Variants in C16orf96 observed in about 807,000 individuals in gnomAD.
C16orf96 encodes the protein uncharacterized protein C16orf96.
A neutral mutation model predicts 103.6 loss-of-function variants in C16orf96; 108 were observed. The ratio of observed to expected loss-of-function variants is 1.04; its 90% confidence interval spans 0.89 to 1.22. The LOEUF (loss-of-function observed/expected upper bound fraction) is 1.22. C16orf96 is among the 50% of genes most tolerant of loss of function. C16orf96 has a pLI of 0.00. For missense variants in C16orf96, 1,586 were observed against 1,464.2 expected (o/e 1.08, Z -1.36); for synonymous variants, 566 against 593.5 (o/e 0.95, Z 0.67).
At chr16:4,576,776 C>A in intron 5 of C16orf96, 141 bp downstream of exon 5, 1 of 872,216 alleles carries the variant, frequency 1.1e-6, no homozygotes, top group Non-Finnish European at 1.7e-6. Context: ...TTGGCTTAAG[C>A]ATTTGGCTCT....
rs1253704296 is a variant in C16orf96 at position 4,592,405 on chromosome 16, C to T, written c.2774+38C>T. 4 of 1,550,222 alleles carry T rather than the reference C, an allele frequency of 2.6e-6. No homozygotes were observed. In the East Asian group the frequency reaches 7.3e-5, roughly 28 times the overall value. On this transcript the variant is annotated intron_variant, in intron 11 of 15. Transcript: ENST00000444310. ...GCCCAGGGTGCCCCGGCCCTAAGGGCTTGTGGGGCCCATGGAGGTCATCTC... is the reference window on the plus strand; with the variant it reads ...GCCCAGGGTGCCCCGGCCCTAAGGGTTTGTGGGGCCCATGGAGGTCATCTC...
At chr16:4,573,926 C>T (rs914871421) in intron 2 of C16orf96, among the ~76,000 whole-genome samples, 62 of 141,692 alleles carry the variant, frequency 4.4e-4, no homozygotes, top group Middle Eastern at 9.7e-3. Flanking sequence ...CTCTGCCTCC[C>T]GGGTTCAAGT....
chr16:4,572,475 G>C (rs2059450919), intron 2 of C16orf96, among the ~76,000 whole-genome samples: 1 of 151,412 alleles, frequency 6.6e-6, no homozygotes, highest in South Asian at 2.1e-4. Flanking sequence ...AATTTTTTTT[G>C]TATTTTTAGT....
chr16:4,594,855 C>T, intron 14 of C16orf96, 52 bp downstream of exon 14: 1 of 1,526,682 alleles, frequency 6.6e-7, no homozygotes, highest in South Asian at 1.2e-5. Flanking sequence ...CCTGGTTCTG[C>T]TGGGCAGGGT....
At chr16:4,596,705 A>AAC (rs1236592054) in intron 14 of C16orf96, among the ~76,000 whole-genome samples, 4 of 151,702 alleles carry the variant, frequency 2.6e-5, no homozygotes, top group East Asian at 1.9e-4. Context: ...CAAACAAACA[A>AAC]AAACAGAACA....
intron 14 of C16orf96, among the ~76,000 whole-genome samples, chr16:4,598,285 C>T (rs887267054): frequency 6.6e-6 from 1 of 151,724 alleles, no homozygotes; most frequent in African/African-American, 2.4e-5. Context: ...CAGGAGGTTC[C>T]AGCTGCAGTG....
chr16:4,600,447 C>T lies in C16orf96; in HGVS notation c.*130C>T, dbSNP rs1227470421. On this transcript the variant is annotated 3_prime_UTR_variant, in exon 16 of 16. Coordinates refer to ENST00000444310, the MANE Select transcript of C16orf96 (RefSeq NM_001145011.2). Reference sequence around the variant, plus strand: ...AGGCCTATGTGGCCCCCCACCCCCACCCCCACCAAGTCCCCTCCATGTCCG... The same window carrying T: ...AGGCCTATGTGGCCCCCCACCCCCATCCCCACCAAGTCCCCTCCATGTCCG... 1.6e-6 allele frequency: 1 copy of T among 615,226 alleles called. No homozygotes were observed. The highest frequency in any genetic ancestry group is 2.8e-6 in the Non-Finnish European group (1 of 352,940). The allele number at this position is 615,226 out of a possible 1,614,324, so 38.1% of individuals were successfully genotyped here. A position where few individuals can be genotyped will look rare whatever the true frequency, so the allele number is the denominator to read the frequency against.
In C16orf96 at chr16:4,587,101, G is replaced by C; in HGVS notation, c.2415G>C (p.Glu805Asp). 1 of 1,551,530 alleles carries C rather than the reference G, an allele frequency of 6.4e-7. No homozygotes were observed. The highest frequency in any genetic ancestry group is 8.7e-7 in the Non-Finnish European group (1 of 1,146,908). ...AGGTGAATAAGAGCACGATGGAGGA[G>C]GAGCTGAGAGAGGTGAGTGAGCAGA... Reference protein sequence around the residue: ...MNKVNKSTMEEELREKADRSA... With the variant: ...MNKVNKSTMEDELREKADRSA... The change falls in exon 8 of 16, where the codon GAG becomes GAC. Residue 805 changes from glutamate to aspartate, a missense_variant. By Grantham distance (45) the Glu-to-Asp change is conservative. Transcript: ENST00000444310.
In C16orf96 at chr16:4,588,374, T is replaced by G. The variant is rs114898333; in HGVS notation, c.2592+43T>G. 16 of 1,526,144 alleles carry G rather than the reference T, an allele frequency of 1.0e-5. No homozygotes were observed. In the African/African-American group the frequency reaches 1.9e-4, roughly 18 times the overall value. 94.5% of individuals were successfully genotyped at this position (1,526,144 alleles called of 1,614,324 possible). ...GATTTTCACTTTATTCCTAACAAAT[T>G]AACCCAGAACTTAGCAACTGCAAAC... On this transcript the variant is annotated intron_variant, in intron 9 of 15. Transcript: ENST00000444310.
At chr16:4,554,797 C>T (rs770925168), upstream of C16orf96, among the ~76,000 whole-genome samples, 3 of 151,770 alleles carry the variant, frequency 2.0e-5, no homozygotes, top group Non-Finnish European at 4.4e-5. Context: ...ACTACAGGCA[C>T]GCACCACCAT....
intron 14 of C16orf96, among the ~76,000 whole-genome samples, chr16:4,597,861 G>A (rs1229277857): frequency 2.0e-5 from 3 of 152,120 alleles, no homozygotes; most frequent in Non-Finnish European, 2.9e-5. Context: ...CCGGCCTCAT[G>A]TAACTTATTG....
At chr16:4,549,532 G>C in the C16orf96 span, among the ~76,000 whole-genome samples, 1 of 150,280 alleles carries the variant, frequency 6.7e-6, no homozygotes, top group Non-Finnish European at 1.5e-5. Context: ...GCTCACACCC[G>C]TAATCCTGTA....
At chr16:4,564,019 G>A in intron 1 of C16orf96, among the ~76,000 whole-genome samples, 1 of 150,944 alleles carries the variant, frequency 6.6e-6, no homozygotes, top group East Asian at 2.0e-4. Context: ...CCAACATGGT[G>A]AAATCCCGTC....
chr16:4,587,443 A>G (rs908886544), intron 8 of C16orf96, among the ~76,000 whole-genome samples: 7 of 151,596 alleles, frequency 4.6e-5, no homozygotes, highest in African/African-American at 1.7e-4. Context: ...CAGGAGAATC[A>G]CTTGAACCTG....
At position 4,576,731 on chromosome 16, in the gene C16orf96, C is replaced by T. The variant is rs577147105; in HGVS notation, c.2155+96C>T. ...CCTGTCCTTCACTGGGCTCCACCAA[C>T]AAAATCTGCATTCCACCATTAGCCA... On this transcript the variant is annotated intron_variant, in intron 5 of 15. Coordinates refer to ENST00000444310, the MANE Select transcript of C16orf96 (RefSeq NM_001145011.2). 5.9e-6 allele frequency: 7 copies of T among 1,182,796 alleles called. No homozygotes were observed. The Admixed American group carries it at 8.4e-5, about 14-fold the overall frequency. 73.3% of individuals were successfully genotyped at this position (1,182,796 alleles called of 1,614,324 possible).
At chr16:4,589,373 G>A (rs1177583550) in intron 9 of C16orf96, among the ~76,000 whole-genome samples, 1 of 149,530 alleles carries the variant, frequency 6.7e-6, no homozygotes, top group African/African-American at 2.5e-5. Flanking sequence ...GAGCCCAGGA[G>A]TTCAAGACCA....
At chr16:4,564,601 A>G (rs1282094017) in intron 1 of C16orf96, among the ~76,000 whole-genome samples, 3 of 152,186 alleles carry the variant, frequency 2.0e-5, no homozygotes, top group Non-Finnish European at 4.4e-5. Flanking sequence ...ACCTGAGCTC[A>G]GGAGTTCCAG....
chr16:4,553,889 T>G (rs1160037730), upstream of C16orf96, among the ~76,000 whole-genome samples: 1 of 152,148 alleles, frequency 6.6e-6, no homozygotes, highest in Non-Finnish European at 1.5e-5. Flanking sequence ...AGAGGTTAAG[T>G]CACTTGCTCA....
chr16:4,548,573 TA>T, the C16orf96 span, among the ~76,000 whole-genome samples: 1 of 152,052 alleles, frequency 6.6e-6, no homozygotes, highest in Non-Finnish European at 1.5e-5. Flanking sequence ...CGCCTAAAAG[TA>T]TGAAAAGCAG....
Sources: allele counts gnomAD v4.1 joint callset (sites outside exome capture counted in the v4.1 genomes callset), GRCh38; gene constraint gnomAD v4.1.1; transcripts MANE v1.5; gene names NCBI Gene and HGNC (gene_info 2026-07-23, HGNC 2026-07-21).